The following ZNF707 variants were observed in gnomAD, a reference collection of about 807,000 sequenced individuals.
ZNF707 encodes zinc finger protein 707.
ZNF707 carries 8 observed loss-of-function variants against 13.3 expected under a neutral mutation model. The ratio of observed to expected loss-of-function variants is 0.60; its 90% confidence interval spans 0.35 to 1.09. The LOEUF is 1.09. Ranked by LOEUF, ZNF707 falls within the 50% of genes least tolerant of loss-of-function variation. The probability of loss-of-function intolerance (pLI) is 0.02; values close to 1 mark genes in which losing one functional copy is unlikely to be tolerated. For synonymous variants in ZNF707, 225 were observed against 205.6 expected, an observed-to-expected ratio of 1.09 and a Z score of -0.81; for missense variants, 530 against 512.6, an observed-to-expected ratio of 1.03 and a Z score of -0.33.
In ZNF707 at chr8:143,694,659, G is replaced by A. The variant is rs914362222; in HGVS notation, c.*129G>A. ...CAGAGAAGCCTTCTTAGTCCTCAGA[G>A]CTCCCCAGTCCCCCGAGAAGTTTAC... On this transcript the variant is annotated 3_prime_UTR_variant, in exon 6 of 6. Transcript: ENST00000358656. This position sits in a 1 kb window ranked among gnomAD's most constrained non-coding sequence, Gnocchi z 4.4. The A allele has an allele frequency of 1.3e-5, 14 of 1,088,986 alleles. No individual in the cohort carries two copies. In the African/African-American group the frequency reaches 2.2e-4, roughly 17 times the overall value. 67.5% of individuals were successfully genotyped at this position (1,088,986 alleles called of 1,614,324 possible).
chr8:143,694,314 G>T lies in ZNF707; in HGVS notation c.900G>T (p.Lys300Asn). The stretch of plus-strand genomic sequence containing the variant: ...ACTGCGGCAAAGCCTTCCGGACCAA[G>T]GAGAACCTCAGCCACCACCAGAGGG... Reference protein sequence around the residue: ...CADCGKAFRTKENLSHHQRVH... With the variant: ...CADCGKAFRTNENLSHHQRVH... The change falls in exon 6 of 6, where the codon AAG becomes AAT. Residue 300 changes from lysine (K) to asparagine (N), a missense_variant. Coordinates refer to ENST00000358656, the MANE Select transcript of ZNF707 (RefSeq NM_001100598.2). This position sits in a 1 kb window ranked among gnomAD's most constrained non-coding sequence, Gnocchi z 4.4. 3.1e-6 allele frequency: 5 copies of T among 1,602,416 alleles called. No homozygotes were observed. The highest frequency in any genetic ancestry group is 3.3e-4 in the Middle Eastern group (2 of 6,024).
rs139368858 is a variant in ZNF707 at position 143,685,987 on chromosome 8, T to C, written c.-151+1445T>C. On this transcript the variant is annotated intron_variant, in intron 1 of 5. Transcript: ENST00000358656. ...CTTGAGGAATCTGGCTTTAGCCCCTTTCCTGGCCTATCTCACGGTTCTCCC... is the reference window on the plus strand; with the variant it reads ...CTTGAGGAATCTGGCTTTAGCCCCTCTCCTGGCCTATCTCACGGTTCTCCC... 2.6e-5 allele frequency among the ~76,000 whole-genome samples: 4 copies of C among 152,342 alleles called. No individual in the cohort carries two copies. In the East Asian group the frequency reaches 7.7e-4, roughly 29 times the overall value.
chr8:143,691,625 C>A lies in ZNF707; in HGVS notation c.168C>A (p.Leu56=). 6.2e-7 allele frequency: 1 copy of A among 1,609,020 alleles called. No individual in the cohort carries two copies. Among genetic ancestry groups the A allele is most frequent in the South Asian group, 1.1e-5 (1 of 89,618 alleles). ...GATTTTGCAGCCCCAGACCAGACCT[C>A]GTCTCTCGCCTGGAACAGTGGGAGG... The part of the protein sequence containing the change: ...ALGFCSPRPD[L]VSRLEQWEEP... Residue 56 remains leucine (L), a synonymous_variant, in exon 5 of 6, where the codon CTC becomes CTA. Transcript: ENST00000358656.
rs782430813 is a variant in ZNF707 at position 143,693,913 on chromosome 8, C to G, written c.499C>G (p.Arg167Gly). Residue 167 changes from arginine to glycine, a missense_variant, in exon 6 of 6, where the codon CGG becomes GGG. By Grantham distance (125) the Arg-to-Gly change is moderately radical. Transcript: ENST00000358656. This position sits in a 1 kb window ranked among gnomAD's most constrained non-coding sequence, Gnocchi z 4.1. ...CGRRPGRRER[R>G]KQRAVELSFI... The stretch of plus-strand genomic sequence containing the variant: ...GCGGCGGCCGGGCCGCAGAGAGCGC[C>G]GGAAGCAGCGCGCAGTAGAGCTGTC... 2.5e-6 allele frequency: 4 copies of G among 1,606,592 alleles called. No individual in the cohort carries two copies. Among genetic ancestry groups the G allele is most frequent in the Non-Finnish European group, 3.4e-6 (4 of 1,176,268 alleles).
At position 143,694,805 on chromosome 8, in the gene ZNF707, G is replaced by A. The variant is rs137980493; in HGVS notation, c.*275G>A. The A allele has an allele frequency of 1.5e-4, 59 of 403,622 alleles. 1 individual carries two copies. In the South Asian group the frequency reaches 2.0e-3, roughly 14 times the overall value. The allele number at this position is 403,622 out of a possible 1,614,324, so 25.0% of individuals were successfully genotyped here. ...TCCTGGGGATGTGCTGAGAGTGTGC[G>A]CGACCCCGGAGCCACGTGCCAGGCC... On this transcript the variant is annotated 3_prime_UTR_variant, in exon 6 of 6. Coordinates refer to ENST00000358656, the MANE Select transcript of ZNF707 (RefSeq NM_001100598.2). The surrounding 1 kb of genome is among the most constrained non-coding windows in gnomAD (Gnocchi z 4.4).
Position 143,693,756 on chromosome 8 carries a change from C to A in ZNF707, c.342C>A (p.Ala114=), listed in dbSNP as rs782666100. Residue 114 remains alanine (A), a synonymous_variant, in exon 6 of 6, where the codon GCC becomes GCA. Transcript: ENST00000358656. The surrounding 1 kb of genome is among the most constrained non-coding windows in gnomAD (Gnocchi z 4.1). ...AAACCCACGTGCGGCGAGAAAGAGC[C>A]AGGGAAGGAAGCAGCTTTAGGAAGG... The part of the protein sequence containing the change: ...HKKTHVRRER[A]REGSSFRKGF... The A allele has an allele frequency of 6.8e-6, 11 of 1,613,006 alleles. No individual in the cohort carries two copies. In the Admixed American group the frequency reaches 8.3e-5, roughly 12 times the overall value.
intron 5 of ZNF707, chr8:143,692,204 G>A (rs1816876388): frequency 7.7e-7 from 1 of 1,291,918 alleles, no homozygotes; most frequent in Admixed American, 2.3e-5. Flanking sequence ...TGCTCTTGGG[G>A]CAGTTGTCAG....
Position 143,693,897 on chromosome 8 carries a change from G to A in ZNF707, c.483G>A (p.Pro161=), listed in dbSNP as rs782158906. 8.7e-6 allele frequency: 14 copies of A among 1,605,432 alleles called. No individual in the cohort carries two copies. The East Asian group carries it at 8.9e-5, about 10-fold the overall frequency. Residue 161 remains proline (P), a synonymous_variant, in exon 6 of 6, where the codon CCG becomes CCA. Transcript: ENST00000358656. This position sits in a 1 kb window ranked among gnomAD's most constrained non-coding sequence, Gnocchi z 4.1. ...QVLTQRCGRR[P]GRRERRKQRA... is the part of the protein sequence containing the mutation. ...TCACGCAGCGTTGTGGGCGGCGGCC[G>A]GGCCGCAGAGAGCGCCGGAAGCAGC...
Position 143,690,141 on chromosome 8 carries a change from C to G in ZNF707, c.15+18C>G. ...TGGCCCAGGTGAGCCCTGCTGCTGC[C>G]GAGCGCAGCCTCCCTTCTGCCCTGC... On this transcript the variant is annotated intron_variant, in intron 3 of 5. Coordinates refer to ENST00000358656, the MANE Select transcript of ZNF707 (RefSeq NM_001100598.2). 1 of 1,604,004 alleles carries G rather than the reference C, an allele frequency of 6.2e-7. No homozygotes were observed. The highest frequency in any genetic ancestry group is 8.5e-7 in the Non-Finnish European group (1 of 1,179,658).
At chr8:143,687,188 A>AT (rs373710684) in intron 1 of ZNF707, among the ~76,000 whole-genome samples, 85 of 152,266 alleles carry the variant, frequency 5.6e-4, no homozygotes, top group Middle Eastern at 3.4e-3. Context: ...GTAATTTTTT[A>AT]AAAGTGCTTT....
intron 3 of ZNF707, 49 bp from the exon 4 acceptor site, chr8:143,691,024 G>A (rs782562681): frequency 6.2e-7 from 1 of 1,610,706 alleles, no homozygotes; most frequent in Non-Finnish European, 8.5e-7. Context: ...TGTGGGCTGA[G>A]CCTTCTTTTT....
rs1254590679 is a variant in ZNF707, at chr8:143,695,174, C to T, written c.*644C>T. 6.6e-6 allele frequency: 1 copy of T among 152,436 alleles called. No individual in the cohort carries two copies. Among genetic ancestry groups the T allele is most frequent in the Non-Finnish European group, 1.5e-5 (1 of 68,124 alleles). 9.4% of individuals were successfully genotyped at this position (152,436 alleles called of 1,614,324 possible). ...TCTGTTGGTCAGAGCCTGGGTCATG[C>T]ACCTGGAGTTGGGAGATCAAGTTGG... is the stretch of plus-strand genomic sequence containing the variant. On this transcript the variant is annotated 3_prime_UTR_variant, in exon 6 of 6. Transcript: ENST00000358656.
At position 143,693,388 on chromosome 8, in the gene ZNF707, C is replaced by T. The variant is rs1322122213; in HGVS notation, c.257-283C>T. Among the ~76,000 whole-genome samples, 1 of 151,738 alleles carries T rather than the reference C, an allele frequency of 6.6e-6. No individual in the cohort carries two copies. The highest frequency in any genetic ancestry group is 1.5e-5 in the Non-Finnish European group (1 of 67,896). Reference sequence around the variant, plus strand: ...CTGCAAGCTCCGCTTCCCGGGTTCACGCCATTCTCCTGCCTCAGCCTCCCG... The same window carrying T: ...CTGCAAGCTCCGCTTCCCGGGTTCATGCCATTCTCCTGCCTCAGCCTCCCG... On this transcript the variant is annotated intron_variant, in intron 5 of 5. Coordinates refer to ENST00000358656, the MANE Select transcript of ZNF707 (RefSeq NM_001100598.2). The surrounding 1 kb of genome is among the most constrained non-coding windows in gnomAD (Gnocchi z 4.1).
At chr8:143,692,325 T>C (rs895989742) in intron 5 of ZNF707, 2 of 1,288,812 alleles carry the variant, frequency 1.6e-6, no homozygotes, top group African/African-American at 1.5e-5. Context: ...AGTGTCAGGT[T>C]CCTAGGTGTG....
At position 143,691,634 on chromosome 8, in the gene ZNF707, C is replaced by T; in HGVS notation, c.177C>T (p.Arg59=). The T allele has an allele frequency of 1.2e-6, 2 of 1,609,860 alleles. No individual in the cohort carries two copies. Among genetic ancestry groups the T allele is most frequent in the Non-Finnish European group, 1.7e-6 (2 of 1,178,432 alleles). ...GCCCCAGACCAGACCTCGTCTCTCGCCTGGAACAGTGGGAGGAGCCGTGGG... is the reference window on the plus strand; with the variant it reads ...GCCCCAGACCAGACCTCGTCTCTCGTCTGGAACAGTGGGAGGAGCCGTGGG... ...FCSPRPDLVS[R]LEQWEEPWVE... is the part of the protein sequence containing the mutation. The change falls in exon 5 of 6, where the codon CGC becomes CGT. Residue 59 remains arginine, a synonymous_variant. Coordinates refer to ENST00000358656, the MANE Select transcript of ZNF707 (RefSeq NM_001100598.2).
chr8:143,691,633 G>T lies in ZNF707; in HGVS notation c.176G>T (p.Arg59Leu), dbSNP rs199832656. The T allele has an allele frequency of 4.3e-6, 7 of 1,609,452 alleles. No individual in the cohort carries two copies. Among genetic ancestry groups the T allele is most frequent in the African/African-American group, 4.0e-5 (3 of 74,748 alleles). The change falls in exon 5 of 6, where the codon CGC becomes CTC. Residue 59 changes from arginine (R) to leucine (L), a missense_variant. Physicochemically the swap from Arg to Leu is moderately radical, Grantham distance 102. Transcript: ENST00000358656. The stretch of plus-strand genomic sequence containing the variant: ...AGCCCCAGACCAGACCTCGTCTCTC[G>T]CCTGGAACAGTGGGAGGAGCCGTGG... ...FCSPRPDLVS[R>L]LEQWEEPWVE...
rs1817128145 is a variant in ZNF707 at position 143,694,236 on chromosome 8, CCTT to C, written c.825_827del (p.Leu276del). ...GGAAAGCCTTCAAGCAGAAGTCCAA[CCTT>C]CTCAGACACCAGCTGGTGCACACCG... On this transcript the variant is annotated inframe_deletion, in exon 6 of 6. Coordinates refer to ENST00000358656, the MANE Select transcript of ZNF707 (RefSeq NM_001100598.2). This position sits in a 1 kb window ranked among gnomAD's most constrained non-coding sequence, Gnocchi z 4.4. 5.7e-6 allele frequency: 9 copies of C among 1,588,248 alleles called. No individual in the cohort carries two copies. Among genetic ancestry groups the C allele is most frequent in the Non-Finnish European group, 7.7e-6 (9 of 1,167,418 alleles).
rs782592440 is a variant in ZNF707 at position 143,693,859 on chromosome 8, C to G, written c.445C>G (p.Pro149Ala). 1.9e-6 allele frequency: 3 copies of G among 1,610,528 alleles called. No individual in the cohort carries two copies. Among genetic ancestry groups the G allele is most frequent in the South Asian group, 1.1e-5 (1 of 90,948 alleles). The change falls in exon 6 of 6, where the codon CCG becomes GCG. Residue 149 changes from proline to alanine, a missense_variant. Transcript: ENST00000358656. The surrounding 1 kb of genome is among the most constrained non-coding windows in gnomAD (Gnocchi z 4.1). ...GACAGACGCCAAGCCCACGGCTTTCCCGTGTCAGGTGCTCACGCAGCGTTG... is the reference window on the plus strand; with the variant it reads ...GACAGACGCCAAGCCCACGGCTTTCGCGTGTCAGGTGCTCACGCAGCGTTG... ...ERTDAKPTAF[P>A]CQVLTQRCGR... is the part of the protein sequence containing the mutation.
chr8:143,685,289 C>A (rs1467300343), intron 1 of ZNF707, among the ~76,000 whole-genome samples: 3 of 152,092 alleles, frequency 2.0e-5, no homozygotes, highest in African/African-American at 7.2e-5. Flanking sequence ...CTTGGGAGGC[C>A]GAGGCAGGTG....
Sources: gnomAD v4.1 joint callset for allele counts (sites outside exome capture counted in the v4.1 genomes callset) on GRCh38, gnomAD v4.1.1 for gene constraint, Gnocchi (gnomAD v3.1) non-coding constraint, MANE v1.5 for transcripts, NCBI Gene and HGNC (gene_info 2026-07-23, HGNC 2026-07-21) for gene names.